Variants in NUMB observed in about 807,000 individuals in gnomAD.
NUMB encodes the protein NUMB endocytic adaptor protein.
NUMB carries 29 observed loss-of-function variants against 59.7 expected under a neutral mutation model. That is an observed-to-expected ratio of 0.49 (90% CI 0.36 to 0.66). The LOEUF (loss-of-function observed/expected upper bound fraction) is 0.66. Among genes scored for constraint, NUMB ranks in the 30% least tolerant of loss-of-function variants. The pLI, the probability that NUMB is intolerant of heterozygous loss-of-function variation, is 0.00. For missense variants in NUMB, 723 were observed against 822.0 expected, an observed-to-expected ratio of 0.88 and a Z score of 1.47; for synonymous variants, 288 against 288.2, an observed-to-expected ratio of 1.00 and a Z score of 0.01.
chr14:73,403,813 G>A (rs1659109324), intron 2 of NUMB, among the ~76,000 whole-genome samples: 1 of 151,968 alleles, frequency 6.6e-6, no homozygotes. Flanking sequence ...AAAAAAAAGA[G>A]GCCAGGCATG....
At chr14:73,393,499 T>C (rs535582190) in intron 2 of NUMB, among the ~76,000 whole-genome samples, 58 of 152,324 alleles carry the variant, frequency 3.8e-4, no homozygotes, top group African/African-American at 7.2e-4. Flanking sequence ...GATTGGCAAT[T>C]TGACAGACTC....
Position 73,277,232 on chromosome 14 carries a change from T to A in NUMB, c.1302A>T (p.Arg434Ser), listed in dbSNP as rs781238119. 1.9e-6 allele frequency: 3 copies of A among 1,613,420 alleles called. No homozygotes were observed. The highest frequency in any genetic ancestry group is 2.5e-6 in the Non-Finnish European group (3 of 1,179,592). ...ATCGGTCGGCCTCAGAGGGAGTACG[T>A]CTATGACCGGCCTGGAAGAGACCTG... ...ASPGLFQAGHRRTPSEADRWL... is the reference protein window; with the variant it reads ...ASPGLFQAGHSRTPSEADRWL... The change falls in exon 13 of 13, where the codon AGA becomes AGT. Residue 434 changes from arginine to serine, a missense_variant. Physicochemically the swap from Arg to Ser is moderately radical, Grantham distance 110. Transcript: ENST00000555238.
At chr14:73,392,700 C>A (rs1895912411) in intron 2 of NUMB, among the ~76,000 whole-genome samples, 1 of 152,152 alleles carries the variant, frequency 6.6e-6, no homozygotes, top group South Asian at 2.1e-4. Flanking sequence ...TTAAATGTTG[C>A]AATTTACTCT....
intron 4 of NUMB, among the ~76,000 whole-genome samples, chr14:73,353,806 C>T (rs1483101953): frequency 1.3e-5 from 2 of 151,886 alleles, no homozygotes; most frequent in Non-Finnish European, 2.9e-5. Context: ...AATGTGCCTC[C>T]TTCTACATAC....
chr14:73,383,513 C>T (rs1895351637), intron 2 of NUMB, among the ~76,000 whole-genome samples: 1 of 151,968 alleles, frequency 6.6e-6, no homozygotes, highest in Non-Finnish European at 1.5e-5. Flanking sequence ...ATACAGTTAT[C>T]TAGAATCCCA....
intron 1 of NUMB, among the ~76,000 whole-genome samples, chr14:73,432,741 T>C (rs1340669795): frequency 1.3e-5 from 2 of 152,142 alleles, no homozygotes; most frequent in Non-Finnish European, 2.9e-5. Context: ...AAAGGTATGG[T>C]GAAGGACATG....
At chr14:73,296,214 G>A (rs760193921) in intron 7 of NUMB, among the ~76,000 whole-genome samples, 43 of 152,070 alleles carry the variant, frequency 2.8e-4, no homozygotes, top group Non-Finnish European at 4.6e-4. Flanking sequence ...AGGCCAAGGC[G>A]GGTGGATCAC....
intron 4 of NUMB, among the ~76,000 whole-genome samples, chr14:73,353,114 C>T (rs1242973033): frequency 6.9e-5 from 3 of 43,600 alleles, no homozygotes; most frequent in African/African-American, 2.1e-4. Context: ...GACAGAGTCT[C>T]ACTCTTGTTG....
At chr14:73,413,711 T>C (rs1215304283) in intron 1 of NUMB, among the ~76,000 whole-genome samples, 1 of 151,852 alleles carries the variant, frequency 6.6e-6, no homozygotes, top group African/African-American at 2.4e-5. Flanking sequence ...TGAGCAGAGA[T>C]TGCGCCACTG....
intron 8 of NUMB, among the ~76,000 whole-genome samples, chr14:73,292,228 T>G (rs1322337461): frequency 6.6e-6 from 1 of 152,118 alleles, no homozygotes; most frequent in Non-Finnish European, 1.5e-5. Context: ...TTTCTTTAAC[T>G]TTGTAAAGAT....
intron 4 of NUMB, among the ~76,000 whole-genome samples, chr14:73,348,486 A>G (rs966901253): frequency 2.6e-5 from 4 of 152,248 alleles, no homozygotes; most frequent in Admixed American, 2.0e-4. Context: ...GCGGAGGGCG[A>G]GCAAGCATTA....
Position 73,303,143 on chromosome 14 carries a change from G to A in NUMB, c.235-5858C>T, listed in dbSNP as rs138221327. On this transcript the variant is annotated intron_variant, in intron 6 of 12. Coordinates refer to ENST00000555238, the MANE Select transcript of NUMB (RefSeq NM_001005743.2). The stretch of plus-strand genomic sequence containing the variant: ...TGAGACAGGAGACTCCCTTGAACCC[G>A]GGAGGTGGAGGTTGCAGTGAGCTGA... 5.4e-3 allele frequency among the ~76,000 whole-genome samples: 829 copies of A among 152,148 alleles called. 4 individuals are homozygous for A. The highest frequency in any genetic ancestry group is 7.6e-3 in the Admixed American group (116 of 15,282).
chr14:73,363,238 A>G (rs1403622015), intron 3 of NUMB, among the ~76,000 whole-genome samples: 1 of 152,056 alleles, frequency 6.6e-6, no homozygotes, highest in Non-Finnish European at 1.5e-5. Context: ...TGGAGGTTGC[A>G]GTGAGCCAGA....
chr14:73,438,474 T>C (rs1177062797), intron 1 of NUMB, among the ~76,000 whole-genome samples: 3 of 151,558 alleles, frequency 2.0e-5, no homozygotes, highest in Non-Finnish European at 4.4e-5. Context: ...CTACTAAAAA[T>C]ACAAAAATTA....
intron 2 of NUMB, among the ~76,000 whole-genome samples, chr14:73,392,131 C>G (rs762736167): frequency 2.0e-5 from 3 of 152,216 alleles, no homozygotes; most frequent in Non-Finnish European, 2.9e-5. Flanking sequence ...TTGCAACCAT[C>G]TTCCCTTGAT....
intron 1 of NUMB, among the ~76,000 whole-genome samples, chr14:73,427,021 AAAAAAAT>A (rs1388081151): frequency 3.3e-5 from 5 of 152,134 alleles, no homozygotes; most frequent in African/African-American, 9.7e-5. Context: ...TCTTACATTT[AAAAAAAT>A]AAAAAATAAA....
chr14:73,291,269 C>T (rs1324294428), intron 8 of NUMB, among the ~76,000 whole-genome samples: 1 of 151,962 alleles, frequency 6.6e-6, no homozygotes, highest in East Asian at 1.9e-4. Flanking sequence ...TTAGTAGAGA[C>T]AGGGTTTCAT....
chr14:73,394,055 T>A (rs1400808053), intron 2 of NUMB, among the ~76,000 whole-genome samples: 1 of 151,950 alleles, frequency 6.6e-6, no homozygotes, highest in Non-Finnish European at 1.5e-5. Context: ...AGCCTCTGCC[T>A]CCCGGGTTCA....
chr14:73,290,606 G>A (rs1425650929), intron 8 of NUMB, among the ~76,000 whole-genome samples: 1 of 152,186 alleles, frequency 6.6e-6, no homozygotes, highest in African/African-American at 2.4e-5. Context: ...CAGATTAAAC[G>A]TTGGCAAGAG....
Sources: gnomAD v4.1 joint callset for allele counts (sites outside exome capture counted in the v4.1 genomes callset) on GRCh38, gnomAD v4.1.1 for gene constraint, MANE v1.5 for transcripts, NCBI Gene and HGNC (gene_info 2026-07-23, HGNC 2026-07-21) for gene names.